NFIB: variants seen among roughly 807,000 people sequenced by gnomAD.
NFIB encodes the protein nuclear factor 1 B-type.
NFIB carries 11 observed loss-of-function variants against 61.5 expected under a neutral mutation model. The observed-to-expected ratio is 0.18, with a 90% CI of 0.11 to 0.30. The LOEUF is 0.30. Among genes scored for constraint, NFIB ranks in the 10% least tolerant of loss-of-function variants. The probability of loss-of-function intolerance (pLI) is 1.00; values close to 1 mark genes in which losing one functional copy is unlikely to be tolerated. For missense variants in NFIB, 471 were observed against 608.9 expected, an observed-to-expected ratio of 0.77 and a Z score of 2.38; for synonymous variants, 260 against 216.5, an observed-to-expected ratio of 1.20 and a Z score of -1.76.
intron 2 of NFIB, among the ~76,000 whole-genome samples, chr9:14,257,020 T>C (rs999710435): frequency 1.3e-5 from 2 of 152,144 alleles, no homozygotes; most frequent in African/African-American, 4.8e-5. Flanking sequence ...GCCCACATAG[T>C]AACAAAAACA....
intron 1 of NFIB, chr9:14,362,276 A>C (rs922189789): frequency 6.6e-6 from 1 of 152,194 alleles, no homozygotes; most frequent in Non-Finnish European, 1.5e-5. Flanking sequence ...ACTTGGAATG[A>C]CTACAATGGT....
the NFIB span, among the ~76,000 whole-genome samples, chr9:14,494,266 A>G: frequency 2.8e-4 from 43 of 152,376 alleles, no homozygotes; most frequent in Non-Finnish European, 2.6e-4. Flanking sequence ...GATAATAAAC[A>G]GCAATCTTAT....
intron 10 of NFIB, among the ~76,000 whole-genome samples, chr9:14,092,164 T>C (rs2034023891): frequency 6.6e-6 from 1 of 152,092 alleles, no homozygotes; most frequent in Admixed American, 6.6e-5. Context: ...CATTTACTTA[T>C]TGAAAAACTC....
the NFIB span, among the ~76,000 whole-genome samples, chr9:14,492,540 A>C: frequency 6.6e-6 from 1 of 152,018 alleles, no homozygotes; most frequent in Non-Finnish European, 1.5e-5. Context: ...GGCAAAGGGG[A>C]AGCAGCACTT....
chr9:14,351,354 C>T (rs2061109149), intron 1 of NFIB, among the ~76,000 whole-genome samples: 1 of 152,176 alleles, frequency 6.6e-6, no homozygotes, highest in Admixed American at 6.5e-5. Flanking sequence ...GTCTCAACAG[C>T]GCCAGCCCTG....
At chr9:14,207,743 A>C (rs2049893552) in intron 2 of NFIB, among the ~76,000 whole-genome samples, 1 of 152,198 alleles carries the variant, frequency 6.6e-6, no homozygotes. Flanking sequence ...GTCATTTTTC[A>C]CATGAATGTT....
intron 3 of NFIB, among the ~76,000 whole-genome samples, chr9:14,158,707 C>G (rs2043764976): frequency 6.6e-6 from 1 of 152,212 alleles, no homozygotes; most frequent in South Asian, 2.1e-4. Context: ...GATAATTATA[C>G]TAACCTCTGT....
chr9:14,464,928 C>A, the NFIB span, among the ~76,000 whole-genome samples: 1 of 152,116 alleles, frequency 6.6e-6, no homozygotes, highest in East Asian at 1.9e-4. Flanking sequence ...GACACAGTAC[C>A]TGTCATGTGG....
At chr9:14,479,193 C>G in the NFIB span, among the ~76,000 whole-genome samples, 1 of 152,208 alleles carries the variant, frequency 6.6e-6, no homozygotes, top group African/African-American at 2.4e-5. Context: ...GGAAGCTAAT[C>G]TTACAGACAA....
chr9:14,261,095 TC>T, intron 2 of NFIB, among the ~76,000 whole-genome samples: 1 of 152,152 alleles, frequency 6.6e-6, no homozygotes, highest in East Asian at 1.9e-4. Flanking sequence ...GGCAGGCAGA[TC>T]ACCTGATGTC....
the NFIB span, among the ~76,000 whole-genome samples, chr9:14,454,428 G>C: frequency 6.6e-6 from 1 of 152,202 alleles, no homozygotes; most frequent in Admixed American, 6.5e-5. Flanking sequence ...CAAAGCATTT[G>C]ACCAGGAGGT....
At chr9:14,440,701 G>C in the NFIB span, among the ~76,000 whole-genome samples, 1 of 152,224 alleles carries the variant, frequency 6.6e-6, no homozygotes, top group South Asian at 2.1e-4. Context: ...TTGAGAGTGA[G>C]AGAGAAACCA....
At chr9:14,357,325 T>A (rs914973507) in intron 1 of NFIB, 3 of 152,186 alleles carry the variant, frequency 2.0e-5, no homozygotes, top group African/African-American at 7.2e-5. Flanking sequence ...TTACTCTGTA[T>A]ACTTTATATG....
intron 10 of NFIB, among the ~76,000 whole-genome samples, chr9:14,098,248 C>G (rs1472398027): frequency 6.6e-6 from 1 of 152,074 alleles, no homozygotes; most frequent in Non-Finnish European, 1.5e-5. Flanking sequence ...TTATTTTAGC[C>G]ATCTGAAGAC....
chr9:14,130,356 CCTG>C (rs2040261125), intron 6 of NFIB, among the ~76,000 whole-genome samples: 1 of 152,132 alleles, frequency 6.6e-6, no homozygotes, highest in South Asian at 2.1e-4. Context: ...CTGTGCCATC[CCTG>C]ATCTATGACA....
At chr9:14,477,082 G>T in the NFIB span, among the ~76,000 whole-genome samples, 3 of 152,112 alleles carry the variant, frequency 2.0e-5, no homozygotes, top group Admixed American at 6.5e-5. Context: ...CAATGAAAAG[G>T]CAGAGGATGT....
At chr9:14,211,937 A>G (rs1360452821) in intron 2 of NFIB, among the ~76,000 whole-genome samples, 2 of 152,246 alleles carry the variant, frequency 1.3e-5, no homozygotes, top group African/African-American at 2.4e-5. Context: ...CTCTCCACTG[A>G]CCAGAATACC....
the NFIB span, among the ~76,000 whole-genome samples, chr9:14,515,677 C>T: frequency 6.6e-6 from 1 of 152,164 alleles, no homozygotes; most frequent in Admixed American, 6.5e-5. Flanking sequence ...TGTCCTAGAA[C>T]CCAGCTTTTG....
chr9:14,507,741 G>A, the NFIB span, among the ~76,000 whole-genome samples: 1 of 152,130 alleles, frequency 6.6e-6, no homozygotes, highest in Admixed American at 6.6e-5. Context: ...GAAGAAAGAG[G>A]TTGGAATGCT....
Sources: allele counts gnomAD v4.1 joint callset (sites outside exome capture counted in the v4.1 genomes callset), GRCh38; gene constraint gnomAD v4.1.1; transcripts MANE v1.5; gene names NCBI Gene and HGNC (gene_info 2026-07-23, HGNC 2026-07-21).